Variants in MITF observed in about 807,000 individuals in gnomAD.
MITF encodes the protein microphthalmia-associated transcription factor.
Under a neutral mutation model 60.5 loss-of-function variants are expected in MITF, and 17 were observed. The observed-to-expected ratio is 0.28, with a 90% CI of 0.19 to 0.42. The LOEUF is 0.42. Ranked by LOEUF, MITF falls within the 10% of genes least tolerant of loss-of-function variation. The pLI is 1.00. For missense variants in MITF, 622 were observed against 683.5 expected (o/e 0.91, Z 1.00); for synonymous variants, 260 against 248.5 (o/e 1.05, Z -0.43).
intron 1 of MITF, among the ~76,000 whole-genome samples, chr3:69,842,374 G>C (rs947560105): frequency 6.6e-6 from 1 of 152,132 alleles, no homozygotes; most frequent in African/African-American, 2.4e-5. Flanking sequence ...TAATTTAAGC[G>C]ATACATTAAT....
At chr3:69,904,690 T>C (rs2065060907) in intron 2 of MITF, among the ~76,000 whole-genome samples, 1 of 152,320 alleles carries the variant, frequency 6.6e-6, no homozygotes, top group Middle Eastern at 3.4e-3. Flanking sequence ...AAGTAATGTG[T>C]AGGACCACAT....
At chr3:69,957,507 C>T (rs1388929159) in intron 8 of MITF, among the ~76,000 whole-genome samples, 1 of 152,128 alleles carries the variant, frequency 6.6e-6, no homozygotes, top group East Asian at 1.9e-4. Flanking sequence ...GTTTTGCTTT[C>T]CCAGGTTTCA....
intron 1 of MITF, among the ~76,000 whole-genome samples, chr3:69,803,825 T>G (rs559348016): frequency 6.6e-6 from 1 of 152,266 alleles, no homozygotes; most frequent in East Asian, 1.9e-4. Context: ...ACTCATGTTT[T>G]TTTTTTTTTT....
intron 1 of MITF, among the ~76,000 whole-genome samples, chr3:69,873,316 C>G (rs1295495383): frequency 5.3e-5 from 8 of 152,062 alleles, no homozygotes. Context: ...TTTGAGATAA[C>G]AGAAGTGCCA....
intron 1 of MITF, among the ~76,000 whole-genome samples, chr3:69,872,274 G>A (rs1266044315): frequency 2.6e-5 from 4 of 151,920 alleles, no homozygotes; most frequent in Non-Finnish European, 5.9e-5. Context: ...GTAAGAACTT[G>A]ATATTCCTCT....
intron 1 of MITF, among the ~76,000 whole-genome samples, chr3:69,770,922 A>T (rs769907433): frequency 6.6e-5 from 10 of 152,224 alleles, no homozygotes; most frequent in African/African-American, 2.4e-4. Flanking sequence ...GAAATGTTCT[A>T]GGTGTGGGCT....
At chr3:69,905,534 A>G (rs1378871440) in intron 2 of MITF, among the ~76,000 whole-genome samples, 1 of 152,092 alleles carries the variant, frequency 6.6e-6, no homozygotes, top group African/African-American at 2.4e-5. Flanking sequence ...GTAGACATAT[A>G]TTTAACTTTT....
intron 1 of MITF, among the ~76,000 whole-genome samples, chr3:69,868,936 A>G (rs2064169786): frequency 6.6e-6 from 1 of 150,806 alleles, no homozygotes; most frequent in Non-Finnish European, 1.5e-5. Flanking sequence ...TGGTGGAGAA[A>G]GAAACTTACT....
intron 2 of MITF, among the ~76,000 whole-genome samples, chr3:69,932,231 T>C (rs1438989402): frequency 1.3e-5 from 2 of 152,216 alleles, no homozygotes; most frequent in African/African-American, 2.4e-5. Context: ...CAGACTCTGT[T>C]GCTACTCTTC....
At chr3:69,762,765 G>T in intron 1 of MITF, 1 of 223,532 alleles carries the variant, frequency 4.5e-6, no homozygotes, top group African/African-American at 2.2e-5. Context: ...CTCTCCATGA[G>T]TCTGAGCATC....
intron 1 of MITF, among the ~76,000 whole-genome samples, chr3:69,744,644 A>G (rs1302033714): frequency 1.3e-5 from 2 of 152,132 alleles, no homozygotes; most frequent in Non-Finnish European, 2.9e-5. Flanking sequence ...TATTTTCTTT[A>G]TTACCTAGCA....
intron 2 of MITF, 35 bp downstream of exon 2, chr3:69,879,418 C>G (rs1286069881): frequency 6.2e-7 from 1 of 1,613,902 alleles, no homozygotes; most frequent in Admixed American, 1.7e-5. Context: ...TTGGACCAAA[C>G]TCTCTTCCAT....
In MITF at chr3:69,953,647, G is replaced by GTATATA. The variant is rs773463461; in HGVS notation, c.955+1772_955+1777dup. 8.0e-3 allele frequency among the ~76,000 whole-genome samples: 1,127 copies of GTATATA among 140,616 alleles called. 4 individuals are homozygous for GTATATA. The highest frequency in any genetic ancestry group is 0.013 in the Non-Finnish European group (856 of 64,866). The allele number at this position is 140,616 out of a possible 152,430, so 92.2% of individuals were successfully genotyped here. A position where few individuals can be genotyped will look rare whatever the true frequency, so the allele number is the denominator to read the frequency against. On this transcript the variant is annotated intron_variant, in intron 7 of 9. Transcript: ENST00000352241. The stretch of plus-strand genomic sequence containing the variant: ...TATGTGTGTATATATATATATGTAT[G>GTATATA]TATATATATATATATAGAGAGAGAG...
chr3:69,779,021 T>C (rs1559624558), intron 1 of MITF: 1 of 152,174 alleles, frequency 6.6e-6, no homozygotes, highest in African/African-American at 2.4e-5. Context: ...AGAAGGGAAA[T>C]GTTTATTCAC....
At chr3:69,794,373 T>A (rs1427172314) in intron 1 of MITF, among the ~76,000 whole-genome samples, 6 of 152,332 alleles carry the variant, frequency 3.9e-5, no homozygotes, top group Non-Finnish European at 8.8e-5. Flanking sequence ...AAGCATTGTT[T>A]TTTGTTTTTA....
intron 1 of MITF, among the ~76,000 whole-genome samples, chr3:69,803,119 C>T (rs548985288): frequency 6.6e-6 from 1 of 152,218 alleles, no homozygotes; most frequent in East Asian, 1.9e-4. Flanking sequence ...GCCAGCCAAA[C>T]CTTACTGAGA....
rs1319512598 is a variant in MITF, at chr3:69,964,918, G to A, written c.1251G>A (p.Leu417=). Residue 417 remains leucine, a synonymous_variant, in exon 10 of 10, where the codon TTG becomes TTA. Coordinates refer to ENST00000352241, the MANE Select transcript of MITF (RefSeq NM_001354604.2). The part of the protein sequence containing the change: ...IPSTGLCSPD[L]VNRIIKQEPV... ...CCACGGGTCTCTGCTCTCCAGATTT[G>A]GTGAATCGGATCATCAAGCAAGAAC... 1 of 1,614,020 alleles carries A rather than the reference G, an allele frequency of 6.2e-7. No homozygotes were observed. Among genetic ancestry groups the A allele is most frequent in the Admixed American group, 1.7e-5 (1 of 60,002 alleles).
At chr3:69,881,583 C>G (rs114047287) in intron 2 of MITF, among the ~76,000 whole-genome samples, 1,654 of 151,094 alleles carry the variant, frequency 0.011, 10 homozygotes, top group Non-Finnish European at 0.018. Flanking sequence ...GGCTTATTTT[C>G]AAAATTTTGT....
intron 9 of MITF, among the ~76,000 whole-genome samples, chr3:69,961,295 T>A (rs1403582794): frequency 6.7e-6 from 1 of 148,396 alleles, no homozygotes. Context: ...AGGCAGAGAA[T>A]CACTTGAACC....
Sources: allele counts gnomAD v4.1 joint callset (sites outside exome capture counted in the v4.1 genomes callset), GRCh38; gene constraint gnomAD v4.1.1; transcripts MANE v1.5; gene names NCBI Gene and HGNC (gene_info 2026-07-23, HGNC 2026-07-21).